GNA14: variants seen among roughly 807,000 people sequenced by gnomAD.
GNA14 encodes guanine nucleotide-binding protein subunit alpha-14.
A neutral mutation model predicts 42.0 loss-of-function variants in GNA14; 50 were observed. That is an observed-to-expected ratio of 1.19 (90% CI 0.95 to 1.51). The LOEUF is 1.51. Ranked by LOEUF, GNA14 falls within the 40% of genes most tolerant of loss-of-function variation. GNA14 has a pLI of 0.00. For missense variants in GNA14, 473 were observed against 446.2 expected (o/e 1.06, Z -0.54); for synonymous variants, 173 against 163.1 (o/e 1.06, Z -0.46).
At chr9:77,496,923 TAAC>T (rs1405707992) in intron 2 of GNA14, among the ~76,000 whole-genome samples, 4 of 152,200 alleles carry the variant, frequency 2.6e-5, no homozygotes, top group African/African-American at 7.2e-5. Context: ...CTTTGTCAGA[TAAC>T]AACATTGAAC....
intron 1 of GNA14, among the ~76,000 whole-genome samples, chr9:77,551,312 T>A (rs577228592): frequency 6.6e-6 from 1 of 152,272 alleles, no homozygotes; most frequent in East Asian, 1.9e-4. Context: ...CATCTACTAA[T>A]GCTGACAACT....
chr9:77,439,403 C>G (rs907201662), intron 2 of GNA14, among the ~76,000 whole-genome samples: 1 of 152,134 alleles, frequency 6.6e-6, no homozygotes, highest in African/African-American at 2.4e-5. Context: ...CTTTGGGAGG[C>G]CAAGGTGGGA....
Position 77,523,270 on chromosome 9 carries a change from G to T in GNA14, c.309+5799C>A, listed in dbSNP as rs111870330. Among the ~76,000 whole-genome samples, 605 of 152,272 alleles carry T rather than the reference G, an allele frequency of 4.0e-3. 6 individuals are homozygous for T. Among genetic ancestry groups the T allele is most frequent in the African/African-American group, 0.014 (578 of 41,560 alleles). ...GGTTCTGGAGGCTGTACAGGAAGCA[G>T]GGTGCTGGCATCTGCTCGGCTTCTG... On this transcript the variant is annotated intron_variant, in intron 2 of 6. Transcript: ENST00000341700.
intron 2 of GNA14, among the ~76,000 whole-genome samples, chr9:77,470,413 A>T (rs1331339540): frequency 6.6e-6 from 1 of 152,218 alleles, no homozygotes; most frequent in Non-Finnish European, 1.5e-5. Context: ...TCAGGCTCTG[A>T]TCCAATCCAG....
chr9:77,594,634 T>C (rs1823436032), intron 1 of GNA14, among the ~76,000 whole-genome samples: 1 of 152,150 alleles, frequency 6.6e-6, no homozygotes, highest in African/African-American at 2.4e-5. Context: ...CACGCTCAAT[T>C]TGAAAGTGTA....
Position 77,470,485 on chromosome 9 carries a change from C to T in GNA14, c.310-35963G>A, listed in dbSNP as rs186033267. Among the ~76,000 whole-genome samples the T allele has an allele frequency of 9.8e-4, 149 of 152,272 alleles. 1 individual carries two copies. Among genetic ancestry groups the T allele is most frequent in the Non-Finnish European group, 1.8e-3 (121 of 68,030 alleles). On this transcript the variant is annotated intron_variant, in intron 2 of 6. Transcript: ENST00000341700. Reference sequence around the variant, plus strand: ...TCATGGATTCAGTCAACATCTGTTTCCTTTCAAAGAGCTTATAGCAGATTG... The same window carrying T: ...TCATGGATTCAGTCAACATCTGTTTTCTTTCAAAGAGCTTATAGCAGATTG...
At chr9:77,632,618 G>A (rs1824117108) in intron 1 of GNA14, among the ~76,000 whole-genome samples, 1 of 152,126 alleles carries the variant, frequency 6.6e-6, no homozygotes, top group African/African-American at 2.4e-5. Flanking sequence ...CTCCCTTTGG[G>A]GCCCTAAGGT....
At chr9:77,538,042 A>G (rs4744833) in intron 1 of GNA14, among the ~76,000 whole-genome samples, 107,023 of 149,974 alleles carry the variant, frequency 0.71, 38,650 homozygotes, top group African/African-American at 0.83. Flanking sequence ...TCTGTTGACT[A>G]TTTCCTTTGC....
intron 1 of GNA14, among the ~76,000 whole-genome samples, chr9:77,553,045 A>G (rs1321785319): frequency 6.6e-6 from 1 of 152,204 alleles, no homozygotes; most frequent in Non-Finnish European, 1.5e-5. Flanking sequence ...CTGGAAAAAC[A>G]CATCCCAGGA....
At chr9:77,553,569 T>C (rs1335425038) in intron 1 of GNA14, among the ~76,000 whole-genome samples, 3 of 152,180 alleles carry the variant, frequency 2.0e-5, no homozygotes, top group Non-Finnish European at 4.4e-5. Flanking sequence ...TTGGCCTCAT[T>C]ATCATGGAGT....
intron 2 of GNA14, among the ~76,000 whole-genome samples, chr9:77,495,481 C>T (rs562286547): frequency 1.3e-5 from 2 of 152,216 alleles, no homozygotes; most frequent in South Asian, 4.1e-4. Flanking sequence ...TGGAAAGCTG[C>T]CAGACCAGGT....
intron 1 of GNA14, among the ~76,000 whole-genome samples, chr9:77,591,325 C>T (rs1263381951): frequency 6.6e-6 from 1 of 152,164 alleles, no homozygotes; most frequent in African/African-American, 2.4e-5. Context: ...TCCTTGTCCA[C>T]AAATCTTTGA....
intron 1 of GNA14, among the ~76,000 whole-genome samples, chr9:77,608,384 A>G (rs1246141980): frequency 6.6e-6 from 1 of 152,124 alleles, no homozygotes; most frequent in Non-Finnish European, 1.5e-5. Context: ...CCTATACCTA[A>G]TTTAGATGGT....
At chr9:77,531,568 G>C (rs1446571620) in intron 1 of GNA14, among the ~76,000 whole-genome samples, 15 of 152,264 alleles carry the variant, frequency 9.9e-5, no homozygotes. Context: ...TCCAGTGCTA[G>C]ATTACCCCAA....
intron 2 of GNA14, among the ~76,000 whole-genome samples, chr9:77,453,765 C>A (rs908942755): frequency 6.6e-6 from 1 of 152,222 alleles, no homozygotes; most frequent in Non-Finnish European, 1.5e-5. Context: ...ACAACAAATA[C>A]AGCAACATGG....
intron 2 of GNA14, among the ~76,000 whole-genome samples, chr9:77,491,610 T>C (rs184596603): frequency 2.0e-5 from 3 of 152,258 alleles, no homozygotes; most frequent in Non-Finnish European, 2.9e-5. Flanking sequence ...CAAGAGGATA[T>C]AACAATTATA....
At chr9:77,457,330 C>T (rs1422904186) in intron 2 of GNA14, among the ~76,000 whole-genome samples, 2 of 152,188 alleles carry the variant, frequency 1.3e-5, no homozygotes, top group Non-Finnish European at 2.9e-5. Flanking sequence ...CAAAATGCCC[C>T]TTGGGGGTCT....
At chr9:77,608,737 T>TTTTTG (rs1823680328) in intron 1 of GNA14, among the ~76,000 whole-genome samples, 1 of 151,208 alleles carries the variant, frequency 6.6e-6, no homozygotes, top group Admixed American at 6.6e-5. Flanking sequence ...ATCCTGTTTT[T>TTTTTG]TTTTTTTTTT....
chr9:77,619,769 C>T (rs1380952325), intron 1 of GNA14, among the ~76,000 whole-genome samples: 1 of 151,994 alleles, frequency 6.6e-6, no homozygotes, highest in Non-Finnish European at 1.5e-5. Context: ...CTATTAAATG[C>T]TCCTATATTT....
Sources: allele counts gnomAD v4.1 joint callset (sites outside exome capture counted in the v4.1 genomes callset), GRCh38; gene constraint gnomAD v4.1.1; transcripts MANE v1.5; gene names NCBI Gene and HGNC (gene_info 2026-07-23, HGNC 2026-07-21).